RNASEH1: variants seen among roughly 807,000 people sequenced by gnomAD.
RNASEH1 encodes ribonuclease H type II.
Under a neutral mutation model 34.6 loss-of-function variants are expected in RNASEH1, and 27 were observed. The observed-to-expected ratio is 0.78, with a 90% CI of 0.58 to 1.08. RNASEH1 has a LOEUF of 1.08. Among genes scored for constraint, RNASEH1 ranks in the 50% least tolerant of loss-of-function variants. The pLI is 0.00. For synonymous variants in RNASEH1, 162 were observed against 138.4 expected (o/e 1.17, Z -1.20); for missense variants, 349 against 373.6 (o/e 0.93, Z 0.54).
the RNASEH1 span, chr2:3,532,374 C>T: frequency 2.3e-5 from 16 of 701,870 alleles, no homozygotes; most frequent in South Asian, 1.0e-4. Context: ...AGAGAGGGCC[C>T]GATCAGAACG....
At chr2:3,540,259 A>AT (rs1169859827), downstream of RNASEH1, among the ~76,000 whole-genome samples, 4 of 152,212 alleles carry the variant, frequency 2.6e-5, no homozygotes, top group African/African-American at 9.7e-5. Context: ...TTCTAAAGAT[A>AT]TAAAAAATGC....
chr2:3,543,017 C>T lies in RNASEH1; in HGVS notation c.*2768G>A, dbSNP rs1358060294. 1.3e-5 allele frequency among the ~76,000 whole-genome samples: 2 copies of T among 152,122 alleles called. No individual in the cohort carries two copies. Among genetic ancestry groups the T allele is most frequent in the African/African-American group, 2.4e-5 (1 of 41,424 alleles). On this transcript the variant is annotated 3_prime_UTR_variant, in exon 8 of 8. Transcript: ENST00000315212. ...AAAATAATGGATTCCAAGTGTTAAA[C>T]GGAATTAAGTTTGGCCTAAAACTGC...
chr2:3,535,678 AT>A, the RNASEH1 span, among the ~76,000 whole-genome samples: 59 of 151,858 alleles, frequency 3.9e-4, no homozygotes, highest in African/African-American at 1.4e-3. Flanking sequence ...TGGGGGAGGA[AT>A]TTGCATTTTA....
chr2:3,556,255 G>C (rs1660482296), intron 2 of RNASEH1, among the ~76,000 whole-genome samples: 1 of 149,950 alleles, frequency 6.7e-6, no homozygotes, highest in South Asian at 2.1e-4. Context: ...GCCATGGAAA[G>C]AACCACACTC....
In RNASEH1 at chr2:3,545,878, A is replaced by C. The variant is rs1204387793; in HGVS notation, c.775-7T>G. 4 of 1,598,834 alleles carry C rather than the reference A, an allele frequency of 2.5e-6. No homozygotes were observed. The African/African-American group carries it at 5.4e-5, about 21-fold the overall frequency. On this transcript the variant is annotated splice_region_variant and splice_polypyrimidine_tract_variant and intron_variant, in intron 7 of 7. Transcript: ENST00000315212. ...AATGACCAGGAACATGCATCTGTTA[A>C]GATAAATGTTTTCCTTTTATTTTTA...
chr2:3,557,615 T>C (rs1484080150), intron 1 of RNASEH1: 6 of 351,078 alleles, frequency 1.7e-5, no homozygotes, highest in East Asian at 8.3e-5. Context: ...GTCAGTTACA[T>C]GCCCTGGGAA....
the RNASEH1 span, chr2:3,532,270 C>A: frequency 1.4e-6 from 1 of 702,270 alleles, no homozygotes; most frequent in Admixed American, 2.0e-5. Context: ...TATCTCCTCC[C>A]GTTTGACAAA....
In RNASEH1 at chr2:3,543,630, T is replaced by G. The variant is rs920624539; in HGVS notation, c.*2155A>C. Among the ~76,000 whole-genome samples the G allele has an allele frequency of 3.3e-5, 5 of 152,174 alleles. No individual in the cohort carries two copies. Among genetic ancestry groups the G allele is most frequent in the African/African-American group, 1.2e-4 (5 of 41,434 alleles). On this transcript the variant is annotated 3_prime_UTR_variant, in exon 8 of 8. Transcript: ENST00000315212. The stretch of plus-strand genomic sequence containing the variant: ...TAACTCCACAAATTCTTTTTTTTTT[T>G]TAAGACAAGGACTTGCTGTCGCCCA...
chr2:3,536,047 G>A, the RNASEH1 span, among the ~76,000 whole-genome samples: 3 of 152,200 alleles, frequency 2.0e-5, no homozygotes, highest in Non-Finnish European at 4.4e-5. Flanking sequence ...AAGACAGGGC[G>A]GTCGTGTGCT....
intron 1 of RNASEH1, chr2:3,557,756 G>C (rs1660657683): frequency 1.4e-6 from 1 of 726,612 alleles, no homozygotes; most frequent in Non-Finnish European, 2.2e-6. Context: ...ATTAGGTACT[G>C]AGTTCCAATC....
At chr2:3,538,028 A>T (rs149484251), downstream of RNASEH1, among the ~76,000 whole-genome samples, 5,668 of 150,196 alleles carry the variant, frequency 0.038, 126 homozygotes, top group South Asian at 0.089. Flanking sequence ...CAAGAGCGAA[A>T]CTGTCTTAAA....
At chr2:3,532,626 G>A in the RNASEH1 span, among the ~76,000 whole-genome samples, 8 of 152,150 alleles carry the variant, frequency 5.3e-5, no homozygotes, top group Admixed American at 3.3e-4. Flanking sequence ...GTCACACAAT[G>A]GTAAGGATTT....
chr2:3,548,733 G>A lies in RNASEH1; in HGVS notation c.565-9C>T. On this transcript the variant is annotated splice_polypyrimidine_tract_variant and intron_variant, in intron 5 of 7. Coordinates refer to ENST00000315212, the MANE Select transcript of RNASEH1 (RefSeq NM_002936.6). ...ATGGCTTTGCAGGCTGCCTTGAAAA[G>A]ACAAGTCGATAGTCATGCTACAGAA... 6.2e-7 allele frequency: 1 copy of A among 1,601,952 alleles called. No individual in the cohort carries two copies. The highest frequency in any genetic ancestry group is 1.3e-5 in the African/African-American group (1 of 74,818).
chr2:3,548,437 C>G (rs1385539350), intron 6 of RNASEH1, among the ~76,000 whole-genome samples: 3 of 152,214 alleles, frequency 2.0e-5, no homozygotes, highest in East Asian at 1.9e-4. Context: ...GACTGCATCT[C>G]CAGTGCCTGG....
In RNASEH1 at chr2:3,548,642, T is replaced by A; in HGVS notation, c.647A>T (p.Asn216Ile). Reference protein sequence around the residue: ...VLYTDSMFTINGITNWVQGWK... With the variant: ...VLYTDSMFTIIGITNWVQGWK... ...AGAAATCAAATGTGAAAGCTTACCATTTATCGTAAACATACTGTCTGTATA... is the reference window on the plus strand; with the variant it reads ...AGAAATCAAATGTGAAAGCTTACCAATTATCGTAAACATACTGTCTGTATA... Residue 216 changes from asparagine (N) to isoleucine (I), a missense_variant and splice_region_variant, in exon 6 of 8, where the codon AAT becomes ATT. Physicochemically the swap from Asn to Ile is moderately radical, Grantham distance 149. This residue lies in a region of RNASEH1 where 93 missense variants were observed against 132.9 expected (regional missense o/e 0.70). Coordinates refer to ENST00000315212, the MANE Select transcript of RNASEH1 (RefSeq NM_002936.6). 6.3e-7 allele frequency: 1 copy of A among 1,575,300 alleles called. No homozygotes were observed.
chr2:3,538,784 G>C (rs542641482), downstream of RNASEH1, among the ~76,000 whole-genome samples: 8 of 152,326 alleles, frequency 5.3e-5, no homozygotes, highest in Non-Finnish European at 1.0e-4. Context: ...CAAAGCATTT[G>C]TAATTCTGAG....
At position 3,556,820 on chromosome 2, in the gene RNASEH1, G is replaced by T. The variant is rs772746859; in HGVS notation, c.213C>A (p.Val71=). 3.1e-6 allele frequency: 5 copies of T among 1,613,924 alleles called. No homozygotes were observed. Among genetic ancestry groups the T allele is most frequent in the Middle Eastern group, 3.3e-4 (2 of 6,054 alleles). The stretch of plus-strand genomic sequence containing the variant: ...AAACTTCCGGGCTTGCAGATTTCCT[G>T]ACAAAGGCCCAGGCCTCATCCTCTG... ...FATEDEAWAF[V]RKSASPEVSE... Residue 71 remains valine, a synonymous_variant, in exon 2 of 8, where the codon GTC becomes GTA. Coordinates refer to ENST00000315212, the MANE Select transcript of RNASEH1 (RefSeq NM_002936.6).
At chr2:3,539,653 C>T (rs1403085819), downstream of RNASEH1, among the ~76,000 whole-genome samples, 2 of 152,098 alleles carry the variant, frequency 1.3e-5, no homozygotes, top group African/African-American at 2.4e-5. Flanking sequence ...ATCATTGCTA[C>T]GTGTTTTGTT....
chr2:3,550,491 C>T lies in RNASEH1; in HGVS notation c.410-19G>A. 1.9e-6 allele frequency: 3 copies of T among 1,587,772 alleles called. No individual in the cohort carries two copies. The highest frequency in any genetic ancestry group is 2.6e-6 in the Non-Finnish European group (3 of 1,155,974). On this transcript the variant is annotated intron_variant, in intron 3 of 7. Transcript: ENST00000315212. The stretch of plus-strand genomic sequence containing the variant: ...AAGTCTCCTGTGGGAAAAGGAAGTA[C>T]ATGCTGCTGGGCTGACCTTACTAAA...
Sources: gnomAD v4.1 joint callset for allele counts (sites outside exome capture counted in the v4.1 genomes callset) on GRCh38, gnomAD v4.1.1 for gene constraint, gnomAD v4.1.1 regional missense constraint, MANE v1.5 for transcripts, NCBI Gene and HGNC (gene_info 2026-07-23, HGNC 2026-07-21) for gene names.